Variants in SSC5D observed in about 807,000 individuals in gnomAD.
SSC5D encodes scavenger receptor cysteine rich family member with 5 domains.
SSC5D carries 106 observed loss-of-function variants against 104.6 expected under a neutral mutation model. That is an observed-to-expected ratio of 1.01 (90% CI 0.87 to 1.19). The LOEUF is 1.19. Ranked by LOEUF, SSC5D falls within the 50% of genes most tolerant of loss-of-function variation. The pLI, the probability that SSC5D is intolerant of heterozygous loss-of-function variation, is 0.00. For missense variants in SSC5D, 1,993 were observed against 2,153.8 expected (o/e 0.93, Z 1.48); for synonymous variants, 860 against 883.5 (o/e 0.97, Z 0.47).
chr19:55,509,332 C>T (rs1313908195), intron 12 of SSC5D, among the ~76,000 whole-genome samples: 1 of 152,184 alleles, frequency 6.6e-6, no homozygotes, highest in Non-Finnish European at 1.5e-5. Context: ...TAAGGAGATA[C>T]ATCTGCTTCC....
At chr19:55,493,558 C>T (rs1211408701) in intron 6 of SSC5D, 37 bp from the exon 7 acceptor site, 6 of 1,402,012 alleles carry the variant, frequency 4.3e-6, no homozygotes, top group South Asian at 1.5e-5. Flanking sequence ...CATCCACCCT[C>T]GTTTCCTGGC....
intron 12 of SSC5D, chr19:55,504,129 AGCTCCGAGAGGTGAT>A: frequency 2.6e-6 from 4 of 1,535,234 alleles, no homozygotes; most frequent in Non-Finnish European, 3.5e-6. Context: ...CGGAAGCGGG[AGCTCCGAGAGGTGAT>A]GCTCCTCGTT....
Position 55,500,086 on chromosome 19 carries a change from A to C in SSC5D, c.1976A>C (p.Asp659Ala). The change falls in exon 10 of 14, where the codon GAC becomes GCC. Residue 659 changes from aspartate (D) to alanine (A), a missense_variant. Transcript: ENST00000389623. This position sits in a 1 kb window ranked among gnomAD's most constrained non-coding sequence, Gnocchi z 4.6. ...TKHSRAQSPP[D>A]LTSQTTAALT... ...CACTCCAGGGCCCAAAGCCCCCCAG[A>C]CCTAACCTCACAGACCACTGCAGCA... 6.4e-7 allele frequency: 1 copy of C among 1,551,464 alleles called. No homozygotes were observed. The highest frequency in any genetic ancestry group is 8.7e-7 in the Non-Finnish European group (1 of 1,146,810).
At position 55,518,816 on chromosome 19, in the gene SSC5D, G is replaced by A; in HGVS notation, c.4540G>A (p.Glu1514Lys). The part of the protein sequence containing the change: ...LQRLTQVVEQ[E>K]RQERQALLLG... ...GAGACTGACCCAGGTCGTGGAACAG[G>A]AGCGGCAGGAGCGCCAAGCCCTGCT... is the stretch of plus-strand genomic sequence containing the variant. Residue 1514 changes from glutamate (E) to lysine (K), a missense_variant, in exon 14 of 14, where the codon GAG (glutamate) becomes AAG (lysine). By Grantham distance (56) the Glu-to-Lys change is moderately conservative (BLOSUM62 1). This residue lies in a region of SSC5D where 349 missense variants were observed against 397.6 expected (regional missense o/e 0.88). Transcript: ENST00000389623. The A allele has an allele frequency of 6.4e-7, 1 of 1,550,402 alleles. No individual in the cohort carries two copies. Among genetic ancestry groups the A allele is most frequent in the Non-Finnish European group, 8.7e-7 (1 of 1,146,974 alleles).
intron 8 of SSC5D, among the ~76,000 whole-genome samples, chr19:55,496,781 C>T (rs1466418669): frequency 1.4e-5 from 2 of 147,902 alleles, no homozygotes; most frequent in East Asian, 2.0e-4. Context: ...AACAGGGTCT[C>T]GCTCTGTCAC....
chr19:55,513,553 G>A (rs999100033), intron 13 of SSC5D, among the ~76,000 whole-genome samples: 1 of 152,196 alleles, frequency 6.6e-6, no homozygotes, highest in Non-Finnish European at 1.5e-5. Flanking sequence ...CTGGGTGCCA[G>A]AGCGAGACCT....
intron 12 of SSC5D, among the ~76,000 whole-genome samples, chr19:55,501,453 A>C (rs1987502312): frequency 6.6e-6 from 1 of 152,158 alleles, no homozygotes; most frequent in Non-Finnish European, 1.5e-5. Flanking sequence ...GCCCTCCTGT[A>C]AGCCACACAA....
At chr19:55,490,745 AC>A in intron 5 of SSC5D, 26 bp from the exon 6 acceptor site, 1 of 1,461,440 alleles carries the variant, frequency 6.8e-7, no homozygotes, top group South Asian at 1.4e-5. Flanking sequence ...CACTGGCCAC[AC>A]CGTCCCCTCC....
At position 55,491,062 on chromosome 19, in the gene SSC5D, G is replaced by T; in HGVS notation, c.877G>T (p.Ala293Ser). The change falls in exon 6 of 14, where the codon GCG becomes TCG. Residue 293 changes from alanine to serine, a missense_variant. Coordinates refer to ENST00000389623, the MANE Select transcript of SSC5D (RefSeq NM_001144950.2). Reference sequence around the variant, plus strand: ...GAGCAACTGTGACCACAGCGAGGATGCGGGGCTGGTCTGCACCGGTACGTC... The same window carrying T: ...GAGCAACTGTGACCACAGCGAGGATTCGGGGCTGGTCTGCACCGGTACGTC... ...GRSNCDHSED[A>S]GLVCTGPAPR... 1 of 1,550,060 alleles carries T rather than the reference G, an allele frequency of 6.5e-7. No individual in the cohort carries two copies. Among genetic ancestry groups the T allele is most frequent in the Non-Finnish European group, 8.7e-7 (1 of 1,146,678 alleles).
At chr19:55,504,360 C>CT (rs1251530427) in intron 12 of SSC5D, 3 of 1,378,858 alleles carry the variant, frequency 2.2e-6, no homozygotes, top group Admixed American at 3.2e-5. Context: ...TGTGTGCCAC[C>CT]TTATCAATAG....
At position 55,517,743 on chromosome 19, in the gene SSC5D, A is replaced by T; in HGVS notation, c.3467A>T (p.Asp1156Val). 1 of 1,534,394 alleles carries T rather than the reference A, an allele frequency of 6.5e-7. No homozygotes were observed. Among genetic ancestry groups the T allele is most frequent in the Non-Finnish European group, 8.8e-7 (1 of 1,140,920 alleles). The stretch of plus-strand genomic sequence containing the variant: ...AGCCCTCACCCCACTACTACCCCTG[A>T]TCCCACCATGGCCCCTGACCCCATC... ...SPSPHPTTTPDPTMAPDPITT... is the reference protein window; with the variant it reads ...SPSPHPTTTPVPTMAPDPITT... Residue 1156 changes from aspartate (D) to valine (V), a missense_variant, in exon 14 of 14, where the codon GAT (aspartate) becomes GTT (valine). Transcript: ENST00000389623.
chr19:55,491,838 C>G (rs1385827959), intron 6 of SSC5D: 1 of 152,386 alleles, frequency 6.6e-6, no homozygotes, highest in African/African-American at 2.4e-5. Context: ...TCTTTACACA[C>G]CACCACGGCA....
intron 13 of SSC5D, among the ~76,000 whole-genome samples, chr19:55,516,460 G>T (rs970680800): frequency 6.6e-6 from 1 of 151,156 alleles, no homozygotes; most frequent in Non-Finnish European, 1.5e-5. Context: ...TCACGCCACT[G>T]CACTCCAGCC....
chr19:55,504,754 C>T (rs1987600871), intron 12 of SSC5D, among the ~76,000 whole-genome samples: 1 of 152,142 alleles, frequency 6.6e-6, no homozygotes, highest in Non-Finnish European at 1.5e-5. Flanking sequence ...GCCTTGGCCT[C>T]CCGAAGTGCT....
intron 12 of SSC5D, chr19:55,504,142 G>C: frequency 6.5e-7 from 1 of 1,535,678 alleles, no homozygotes; most frequent in Non-Finnish European, 8.7e-7. Flanking sequence ...TCCGAGAGGT[G>C]ATGCTCCTCG....
chr19:55,489,449 G>T lies in SSC5D; in HGVS notation c.148G>T (p.Asp50Tyr). Residue 50 changes from aspartate to tyrosine, a missense_variant, in exon 3 of 14, where the codon GAC becomes TAC. By Grantham distance (160) the Asp-to-Tyr change is radical. Coordinates refer to ENST00000389623, the MANE Select transcript of SSC5D (RefSeq NM_001144950.2). ...RWGTVCDDGW[D>Y]LRDAAVACRQ... ...GGGCACCGTGTGTGATGACGGCTGG[G>T]ACCTGCGCGATGCCGCCGTGGCCTG... 6.7e-7 allele frequency: 1 copy of T among 1,485,224 alleles called. No homozygotes were observed. The highest frequency in any genetic ancestry group is 8.9e-7 in the Non-Finnish European group (1 of 1,125,428). The allele number at this position is 1,485,224 out of a possible 1,614,324, so 92.0% of individuals were successfully genotyped here. A position where few individuals can be genotyped will look rare whatever the true frequency, so the allele number is the denominator to read the frequency against.
chr19:55,496,843 C>T (rs56735122), intron 8 of SSC5D, among the ~76,000 whole-genome samples: 3,979 of 151,830 alleles, frequency 0.026, 168 homozygotes, highest in African/African-American at 0.09. Context: ...CTCCGCCTCC[C>T]GGTTCAAGCG....
intron 13 of SSC5D, among the ~76,000 whole-genome samples, chr19:55,514,678 C>T (rs1000713416): frequency 7.9e-5 from 12 of 151,376 alleles, no homozygotes; most frequent in South Asian, 4.2e-4. Context: ...AGCTCCATGA[C>T]GTAGATCTAT....
chr19:55,499,974 G>A lies in SSC5D; in HGVS notation c.1864G>A (p.Gly622Arg), dbSNP rs1301328335. The change falls in exon 10 of 14, where the codon GGG (glycine) becomes AGG (arginine). Residue 622 changes from glycine to arginine, a missense_variant. Gly to Arg is a moderately radical substitution (Grantham distance 125, BLOSUM62 -2). Transcript: ENST00000389623. The stretch of plus-strand genomic sequence containing the variant: ...GGAGAAAACAACCACGAAGGCCCCA[G>A]GGAAAATGCCTAAGAGTACTAAGAA... ...VLEKTTTKAPGKMPKSTKKWV... is the reference protein window; with the variant it reads ...VLEKTTTKAPRKMPKSTKKWV... The A allele has an allele frequency of 1.3e-6, 2 of 1,551,936 alleles. No individual in the cohort carries two copies. Among genetic ancestry groups the A allele is most frequent in the South Asian group, 1.2e-5 (1 of 84,050 alleles).
Sources: allele counts gnomAD v4.1 joint callset (sites outside exome capture counted in the v4.1 genomes callset), GRCh38; gene constraint gnomAD v4.1.1; regional missense constraint gnomAD v4.1.1; non-coding constraint Gnocchi (gnomAD v3.1); transcripts MANE v1.5; gene names NCBI Gene and HGNC (gene_info 2026-07-23, HGNC 2026-07-21).